SYT9: variants seen among roughly 807,000 people sequenced by gnomAD.
The protein encoded by SYT9 is synaptotagmin-9.
A neutral mutation model predicts 48.4 loss-of-function variants in SYT9; 22 were observed. That is an observed-to-expected ratio of 0.45 (90% CI 0.32 to 0.65). The LOEUF (loss-of-function observed/expected upper bound fraction) is 0.65. Among genes scored for constraint, SYT9 ranks in the 30% least tolerant of loss-of-function variants. The pLI, the probability that SYT9 is intolerant of heterozygous loss-of-function variation, is 0.03. For synonymous variants in SYT9, 265 were observed against 245.0 expected (o/e 1.08, Z -0.76); for missense variants, 577 against 622.0 (o/e 0.93, Z 0.77).
intron 1 of SYT9, among the ~76,000 whole-genome samples, chr11:7,257,820 CAA>C (rs1013892603): frequency 3.9e-5 from 6 of 152,082 alleles, no homozygotes; most frequent in African/African-American, 1.4e-4. Context: ...TTTATTTAAA[CAA>C]GTGTGTTTTC....
At position 7,466,790 on chromosome 11, in the gene SYT9, A is replaced by G; in HGVS notation, c.1468-2A>G. 6.2e-7 allele frequency: 1 copy of G among 1,612,964 alleles called. No individual in the cohort carries two copies. The highest frequency in any genetic ancestry group is 8.5e-7 in the Non-Finnish European group (1 of 1,179,720). ...TTATTTTTTTGTTTTTTCTTCCTGC[A>G]GAAACGATGACCATGGGTAAGAGGA... On this transcript the variant is annotated splice_acceptor_variant, in intron 6 of 6. Transcript: ENST00000318881. LOFTEE classifies it high-confidence loss of function.
intron 1 of SYT9, among the ~76,000 whole-genome samples, chr11:7,297,844 T>C (rs1286538210): frequency 6.6e-6 from 1 of 152,214 alleles, no homozygotes; most frequent in Non-Finnish European, 1.5e-5. Context: ...TCTCAGAAGT[T>C]TGCAGGCATT....
At chr11:7,243,150 G>T (rs554797272) in intron 1 of SYT9, among the ~76,000 whole-genome samples, 1 of 151,908 alleles carries the variant, frequency 6.6e-6, no homozygotes. Context: ...TATATATAGA[G>T]AAAAAATATT....
At chr11:7,375,611 C>T (rs1850438549) in intron 3 of SYT9, among the ~76,000 whole-genome samples, 1 of 152,102 alleles carries the variant, frequency 6.6e-6, no homozygotes, top group Non-Finnish European at 1.5e-5. Context: ...GTTTGTAGTT[C>T]TCCCTGAAGA....
intron 3 of SYT9, among the ~76,000 whole-genome samples, chr11:7,404,816 G>C (rs1263552087): frequency 6.6e-6 from 1 of 152,084 alleles, no homozygotes; most frequent in African/African-American, 2.4e-5. Context: ...AACAACCTAA[G>C]AAAAGGAATG....
At chr11:7,279,357 T>C (rs1381937266) in intron 1 of SYT9, among the ~76,000 whole-genome samples, 1 of 152,190 alleles carries the variant, frequency 6.6e-6, no homozygotes, top group African/African-American at 2.4e-5. Flanking sequence ...ATGTCTTTTT[T>C]TCCGTTGAGA....
At chr11:7,243,775 G>T (rs1253594226) in intron 1 of SYT9, among the ~76,000 whole-genome samples, 1 of 152,048 alleles carries the variant, frequency 6.6e-6, no homozygotes, top group Non-Finnish European at 1.5e-5. Flanking sequence ...GCATCTTTTT[G>T]GCTAGTTGGA....
intron 1 of SYT9, among the ~76,000 whole-genome samples, chr11:7,243,453 T>G (rs996667517): frequency 1.4e-4 from 22 of 152,138 alleles, no homozygotes; most frequent in Non-Finnish European, 2.5e-4. Context: ...ATATAGTGGA[T>G]CTCTCCCTCT....
At chr11:7,294,666 G>GC (rs1055610088) in intron 1 of SYT9, among the ~76,000 whole-genome samples, 1 of 152,102 alleles carries the variant, frequency 6.6e-6, no homozygotes, top group African/African-American at 2.4e-5. Flanking sequence ...TTAATATTCT[G>GC]CCCCCCAGGC....
rs138043440 is a variant in SYT9 at position 7,455,044 on chromosome 11, T to C, written c.1468-11748T>C. 4.9e-3 allele frequency among the ~76,000 whole-genome samples: 750 copies of C among 152,326 alleles called. 6 individuals carry two copies. Among genetic ancestry groups the C allele is most frequent in the Middle Eastern group, 0.024 (7 of 294 alleles). ...TTTGTTTTGACATTGTGAGTATCTT[T>C]GAGATGAAAAGCTAATAGTTGGAAT... On this transcript the variant is annotated intron_variant, in intron 6 of 6. Transcript: ENST00000318881.
intron 1 of SYT9, among the ~76,000 whole-genome samples, chr11:7,278,893 G>T (rs1231235794): frequency 1.3e-5 from 2 of 152,230 alleles, no homozygotes; most frequent in Admixed American, 6.5e-5. Context: ...GAACTTTAAG[G>T]AGGCATATTC....
chr11:7,376,849 T>C (rs1364384408), intron 3 of SYT9, among the ~76,000 whole-genome samples: 1 of 151,902 alleles, frequency 6.6e-6, no homozygotes, highest in East Asian at 1.9e-4. Flanking sequence ...TCTTCCAGAC[T>C]GATTTTTGAC....
chr11:7,319,084 C>T (rs1849290849), intron 3 of SYT9, among the ~76,000 whole-genome samples: 1 of 151,262 alleles, frequency 6.6e-6, no homozygotes, highest in Non-Finnish European at 1.5e-5. Context: ...GGAAGAATGC[C>T]CCTAGTTTCT....
intron 1 of SYT9, among the ~76,000 whole-genome samples, chr11:7,267,024 T>C (rs1848196709): frequency 6.6e-6 from 1 of 152,094 alleles, no homozygotes; most frequent in African/African-American, 2.4e-5. Flanking sequence ...CTAATTAAAT[T>C]AACATTCCTA....
Position 7,467,008 on chromosome 11 carries a change from T to C in SYT9, c.*208T>C. The C allele has an allele frequency of 1.7e-6, 1 of 594,028 alleles. No homozygotes were observed. The highest frequency in any genetic ancestry group is 2.7e-4 in the Middle Eastern group (1 of 3,754). 36.8% of individuals were successfully genotyped at this position (594,028 alleles called of 1,614,324 possible). A position where few individuals can be genotyped will look rare whatever the true frequency, so the allele number is the denominator to read the frequency against. On this transcript the variant is annotated 3_prime_UTR_variant, in exon 7 of 7. Coordinates refer to ENST00000318881, the MANE Select transcript of SYT9 (RefSeq NM_175733.4). ...ACCTTCTGCAGGTGGCCCAAGGTGA[T>C]GTGCTGCAGGGAAGCATGTCTCTCA...
intron 3 of SYT9, among the ~76,000 whole-genome samples, chr11:7,366,137 A>T (rs993166639): frequency 2.0e-5 from 3 of 152,196 alleles, no homozygotes; most frequent in Non-Finnish European, 4.4e-5. Context: ...AGTCATGAGG[A>T]CATGTTGACA....
intron 6 of SYT9, among the ~76,000 whole-genome samples, chr11:7,446,380 A>T (rs1274391557): frequency 6.6e-6 from 1 of 152,192 alleles, no homozygotes; most frequent in East Asian, 1.9e-4. Context: ...ATTAGCTATT[A>T]TTAGTATCAT....
intron 3 of SYT9, among the ~76,000 whole-genome samples, chr11:7,358,651 A>C (rs1418425400): frequency 6.6e-6 from 1 of 152,146 alleles, no homozygotes; most frequent in Admixed American, 6.6e-5. Flanking sequence ...AATGAGTGTT[A>C]AATTTTCATG....
intron 1 of SYT9, among the ~76,000 whole-genome samples, chr11:7,270,046 A>G (rs529551951): frequency 6.6e-6 from 1 of 152,340 alleles, no homozygotes; most frequent in East Asian, 1.9e-4. Flanking sequence ...ATGATAGAGA[A>G]TTAACATTCT....
Sources: allele counts gnomAD v4.1 joint callset (sites outside exome capture counted in the v4.1 genomes callset), GRCh38; gene constraint gnomAD v4.1.1; transcripts MANE v1.5; gene names NCBI Gene and HGNC (gene_info 2026-07-23, HGNC 2026-07-21).